AP2A2: variants seen among roughly 807,000 people sequenced by gnomAD.
AP2A2 encodes the protein adaptor related protein complex 2 subunit alpha 2.
AP2A2 carries 32 observed loss-of-function variants against 104.2 expected under a neutral mutation model. That is an observed-to-expected ratio of 0.31 (90% CI 0.23 to 0.41). The LOEUF (loss-of-function observed/expected upper bound fraction) is 0.41. Among genes scored for constraint, AP2A2 ranks in the 10% least tolerant of loss-of-function variants. AP2A2 has a pLI of 1.00. For synonymous variants in AP2A2, 539 were observed against 533.3 expected (o/e 1.01, Z -0.15); for missense variants, 912 against 1,261.0 (o/e 0.72, Z 4.19).
chr11:993,363 C>T lies in AP2A2; in HGVS notation c.1532C>T (p.Ala511Val). Residue 511 changes from alanine to valine, a missense_variant, in exon 12 of 22, where the codon GCT (alanine) becomes GTT (valine). Transcript: ENST00000448903. This position sits in a 1 kb window ranked among gnomAD's most constrained non-coding sequence, Gnocchi z 8.2. ...YILGEFGNLIAGDPRSSPLIQ... is the reference protein window; with the variant it reads ...YILGEFGNLIVGDPRSSPLIQ... The stretch of plus-strand genomic sequence containing the variant: ...CTGGGGGAGTTTGGAAACTTGATAG[C>T]TGGAGACCCGAGATCCAGGTGAGAG... 6.2e-7 allele frequency: 1 copy of T among 1,611,522 alleles called. No individual in the cohort carries two copies. Among genetic ancestry groups the T allele is most frequent in the Non-Finnish European group, 8.5e-7 (1 of 1,179,194 alleles).
In AP2A2 at chr11:1,009,349, C is replaced by G. The variant is rs1241040151; in HGVS notation, c.2559C>G (p.Asn853Lys). ...ACAGTCCACAGCAGGAAGTGCAGAA[C>G]ATCTTCAAAGCAAAGCACCCAATGG... ...QLSNPQQEVQ[N>K]IFKAKHPMDT... Residue 853 changes from asparagine (N) to lysine (K), a missense_variant, in exon 20 of 22, where the codon AAC (asparagine) becomes AAG (lysine). Asn to Lys is a moderately conservative substitution (Grantham distance 94). Transcript: ENST00000448903. The G allele has an allele frequency of 6.2e-7, 1 of 1,613,770 alleles. No homozygotes were observed. Among genetic ancestry groups the G allele is most frequent in the South Asian group, 1.1e-5 (1 of 91,086 alleles).
intron 2 of AP2A2, among the ~76,000 whole-genome samples, chr11:969,486 A>G (rs978946117): frequency 1.4e-4 from 22 of 152,160 alleles, no homozygotes; most frequent in African/African-American, 5.3e-4. Context: ...TCGGCCTCCC[A>G]AAGTTCTGGG....
At position 1,009,095 on chromosome 11, in the gene AP2A2, G is replaced by T; in HGVS notation, c.2421-5G>T. ...GTCTCTTTCTGCTGCTGCTGCTGCTGGCAGGTATGGGGGCACCTTCCAGAA... is the reference window on the plus strand; with the variant it reads ...GTCTCTTTCTGCTGCTGCTGCTGCTTGCAGGTATGGGGGCACCTTCCAGAA... On this transcript the variant is annotated splice_polypyrimidine_tract_variant and splice_region_variant and intron_variant, in intron 18 of 21. Transcript: ENST00000448903. 3 of 1,608,702 alleles carry T rather than the reference G, an allele frequency of 1.9e-6. No homozygotes were observed. Among genetic ancestry groups the T allele is most frequent in the Non-Finnish European group, 2.5e-6 (3 of 1,176,674 alleles).
intron 10 of AP2A2, among the ~76,000 whole-genome samples, chr11:990,435 C>T (rs571681678): frequency 7.9e-5 from 12 of 151,772 alleles, no homozygotes; most frequent in African/African-American, 2.7e-4. Context: ...ACGGGAGCCT[C>T]GTTCCTGATT....
At chr11:946,166 T>G in intron 1 of AP2A2, among the ~76,000 whole-genome samples, 1 of 152,262 alleles carries the variant, frequency 6.6e-6, no homozygotes, top group Non-Finnish European at 1.5e-5. Context: ...TGAGGAGCTT[T>G]TATCTGTGAA....
chr11:1,005,082 C>CTTT (rs1183030315), intron 16 of AP2A2, among the ~76,000 whole-genome samples: 1 of 152,212 alleles, frequency 6.6e-6, no homozygotes, highest in East Asian at 1.9e-4. Flanking sequence ...TTAGAAACAG[C>CTTT]CCAGATGTTC....
intron 2 of AP2A2, among the ~76,000 whole-genome samples, chr11:967,790 A>G (rs1174763425): frequency 2.0e-5 from 3 of 152,056 alleles, no homozygotes; most frequent in Admixed American, 6.6e-5. Context: ...TGATCCTTTT[A>G]TGGTTTAGGA....
chr11:954,320 C>T (rs537612452), intron 1 of AP2A2, among the ~76,000 whole-genome samples: 1 of 152,210 alleles, frequency 6.6e-6, no homozygotes, highest in African/African-American at 2.4e-5. Context: ...ATGCTTCTCC[C>T]CCTCCTCAGG....
intron 1 of AP2A2, chr11:932,898 T>C (rs113999096): frequency 0.096 from 34,878 of 362,606 alleles, 1,854 homozygotes; most frequent in African/African-American, 0.14. Context: ...GGTAACAATC[T>C]GTGTCAAGAT....
At chr11:1,007,421 G>A (rs142315813) in intron 17 of AP2A2, 3 of 156,326 alleles carry the variant, frequency 1.9e-5, no homozygotes, top group African/African-American at 4.8e-5. Flanking sequence ...TCTCTCCCTC[G>A]GGGTCCACTT....
chr11:978,017 G>A (rs372498461), intron 5 of AP2A2, among the ~76,000 whole-genome samples: 1 of 152,196 alleles, frequency 6.6e-6, no homozygotes, highest in African/African-American at 2.4e-5. Context: ...GGAGGTCATG[G>A]GATTTTCCCG....
intron 6 of AP2A2, 60 bp downstream of exon 6, chr11:981,359 T>C (rs1454396715): frequency 7.4e-7 from 1 of 1,348,160 alleles, no homozygotes; most frequent in Non-Finnish European, 1.0e-6. Flanking sequence ...TATTTATTTA[T>C]TAGCTTATTT....
At chr11:938,892 T>C (rs10902235) in intron 1 of AP2A2, among the ~76,000 whole-genome samples, 77,187 of 152,024 alleles carry the variant, frequency 0.51, 20,223 homozygotes, top group Middle Eastern at 0.66. Flanking sequence ...TAATAGCGTT[T>C]ATTCTTGTGA....
intron 14 of AP2A2, among the ~76,000 whole-genome samples, chr11:997,551 C>T (rs1406701673): frequency 1.3e-5 from 2 of 152,192 alleles, no homozygotes; most frequent in African/African-American, 2.4e-5. Context: ...TCTGTGGTAA[C>T]GTTTCAGGTA....
In AP2A2 at chr11:944,011, A is replaced by C. The variant is rs372092377; in HGVS notation, c.68-15426A>C. Among the ~76,000 whole-genome samples the C allele has an allele frequency of 2.7e-5, 4 of 150,578 alleles. No homozygotes were observed. The East Asian group carries it at 5.9e-4, about 22-fold the overall frequency. The stretch of plus-strand genomic sequence containing the variant: ...TGCAGGTGGCAGTGGAGATGGCGAG[A>C]GTAAGAGAGTCCCGACCGGAGATGC... On this transcript the variant is annotated intron_variant, in intron 1 of 21. Transcript: ENST00000448903.
At chr11:991,345 G>A (rs1855648675) in intron 10 of AP2A2, among the ~76,000 whole-genome samples, 1 of 152,258 alleles carries the variant, frequency 6.6e-6, no homozygotes, top group Non-Finnish European at 1.5e-5. Context: ...GGGATGGCTG[G>A]AGGAAGTGCC....
chr11:1,005,319 G>T (rs1856169296), intron 16 of AP2A2, among the ~76,000 whole-genome samples: 2 of 152,230 alleles, frequency 1.3e-5, no homozygotes, highest in South Asian at 4.1e-4. Context: ...GTAGCTGGGG[G>T]ATGCCAGGGC....
intron 1 of AP2A2, among the ~76,000 whole-genome samples, chr11:945,420 A>G (rs1259759063): frequency 3.3e-5 from 5 of 151,966 alleles, no homozygotes; most frequent in Admixed American, 6.6e-5. Context: ...TGCAACCTCC[A>G]CCTCCTGGGT....
chr11:940,996 C>T (rs1204782863), intron 1 of AP2A2: 1 of 447,646 alleles, frequency 2.2e-6, no homozygotes, highest in Non-Finnish European at 4.5e-6. Context: ...TCACGAGGCC[C>T]CTTGCTCCAC....
Sources: allele counts gnomAD v4.1 joint callset (sites outside exome capture counted in the v4.1 genomes callset), GRCh38; gene constraint gnomAD v4.1.1; non-coding constraint Gnocchi (gnomAD v3.1); transcripts MANE v1.5; gene names NCBI Gene and HGNC (gene_info 2026-07-23, HGNC 2026-07-21).